The following HIF1A variants were observed in gnomAD, a reference collection of about 807,000 sequenced individuals.
The protein encoded by HIF1A is hypoxia-inducible factor 1-alpha.
Under a neutral mutation model 92.7 loss-of-function variants are expected in HIF1A, and 24 were observed. The ratio of observed to expected loss-of-function variants is 0.26; its 90% CI spans 0.19 to 0.36. The LOEUF (loss-of-function observed/expected upper bound fraction) is 0.36. Ranked by LOEUF, HIF1A falls within the 10% of genes least tolerant of loss-of-function variation. The pLI, the probability that HIF1A is intolerant of heterozygous loss-of-function variation, is 1.00. For synonymous variants in HIF1A, 319 were observed against 338.7 expected (o/e 0.94, Z 0.64); for missense variants, 799 against 998.5 (o/e 0.80, Z 2.69).
chr14:61,709,723 C>T (rs1040649426), intron 1 of HIF1A, among the ~76,000 whole-genome samples: 9 of 151,870 alleles, frequency 5.9e-5, no homozygotes, highest in Non-Finnish European at 1.3e-4. Flanking sequence ...TTTTGAATTT[C>T]AAATTAATTA....
At chr14:61,741,784 G>C (rs940768446) in intron 12 of HIF1A, among the ~76,000 whole-genome samples, 4 of 152,154 alleles carry the variant, frequency 2.6e-5, no homozygotes, top group African/African-American at 9.7e-5. Flanking sequence ...TACAGAACTT[G>C]TTTAAAGTTC....
intron 4 of HIF1A, among the ~76,000 whole-genome samples, chr14:61,724,349 T>TTCTCTCCCTCTCTCTCTCTCTC (rs2044472677): frequency 3.1e-5 from 3 of 96,096 alleles, no homozygotes; most frequent in Non-Finnish European, 6.3e-5. Flanking sequence ...CACACACACA[T>TTCTCTCCCTCTCTCTCTCTCTC]TCTCTCTCTC....
intron 4 of HIF1A, 97 bp from the exon 5 acceptor site, chr14:61,726,609 G>T (rs2140142194): frequency 1.5e-6 from 1 of 649,656 alleles, no homozygotes; most frequent in Admixed American, 3.1e-5. Flanking sequence ...AATTGAACGG[G>T]TATTCAGTTG....
chr14:61,741,301 C>T (rs917405715), intron 12 of HIF1A, 113 bp downstream of exon 12: 16 of 648,114 alleles, frequency 2.5e-5, no homozygotes, highest in South Asian at 1.0e-4. Context: ...TATGCCCTAA[C>T]GCAAATTCTT....
In HIF1A at chr14:61,747,108, T is replaced by G. The variant is rs2044803195; in HGVS notation, c.*23T>G. 2 of 1,590,628 alleles carry G rather than the reference T, an allele frequency of 1.3e-6. No individual in the cohort carries two copies. On this transcript the variant is annotated 3_prime_UTR_variant, in exon 15 of 15. Coordinates refer to ENST00000337138, the MANE Select transcript of HIF1A (RefSeq NM_001530.4). ...TGAGCTTTTTCTTAATTTCATTCCT[T>G]TTTTTGGACACTGGTGGCTCATTAC...
chr14:61,704,523 A>G (rs1289185041), intron 1 of HIF1A, among the ~76,000 whole-genome samples: 1 of 152,198 alleles, frequency 6.6e-6, no homozygotes, highest in Non-Finnish European at 1.5e-5. Context: ...TTGTGTCCAG[A>G]ATCTCATTAA....
At chr14:61,721,004 T>G (rs10137588) in intron 2 of HIF1A, among the ~76,000 whole-genome samples, 134,001 of 152,098 alleles carry the variant, frequency 0.88, 59,785 homozygotes, top group Non-Finnish European at 0.95. Flanking sequence ...AACTTTGGGA[T>G]GCTGAGGCGG....
chr14:61,723,664 A>C (rs2044461466), intron 4 of HIF1A, among the ~76,000 whole-genome samples: 1 of 152,198 alleles, frequency 6.6e-6, no homozygotes, highest in Non-Finnish European at 1.5e-5. Context: ...ATGAGTTCTA[A>C]TGTGCAGAGT....
intron 10 of HIF1A, 105 bp downstream of exon 10, chr14:61,738,478 TTG>T (rs2044666657): frequency 1.9e-6 from 2 of 1,058,210 alleles, no homozygotes; most frequent in Non-Finnish European, 2.8e-6. Context: ...CAAATTACAT[TTG>T]TGTGTGTGTT....
chr14:61,699,415 G>C (rs2044152849), intron 1 of HIF1A, among the ~76,000 whole-genome samples: 1 of 151,450 alleles, frequency 6.6e-6, no homozygotes, highest in Non-Finnish European at 1.5e-5. Context: ...TATGTCAAGA[G>C]TGGTGTATAG....
At chr14:61,728,631 G>C (rs2044537336) in intron 6 of HIF1A, among the ~76,000 whole-genome samples, 1 of 152,178 alleles carries the variant, frequency 6.6e-6, no homozygotes, top group African/African-American at 2.4e-5. Context: ...GCTACATACA[G>C]TTGGTGTCTA....
chr14:61,696,191 C>T (rs2140112505), intron 1 of HIF1A, among the ~76,000 whole-genome samples: 1 of 152,378 alleles, frequency 6.6e-6, no homozygotes, highest in South Asian at 2.1e-4. Context: ...TTTACCCAGC[C>T]TGAAAACCCC....
chr14:61,747,139 GC>G lies in HIF1A; in HGVS notation c.*55del. 6.8e-7 allele frequency: 1 copy of G among 1,460,312 alleles called. No homozygotes were observed. Among genetic ancestry groups the G allele is most frequent in the East Asian group, 2.3e-5 (1 of 43,648 alleles). The allele number at this position is 1,460,312 out of a possible 1,614,324, so 90.5% of individuals were successfully genotyped here. A position where few individuals can be genotyped will look rare whatever the true frequency, so the allele number is the denominator to read the frequency against. ...GGACACTGGTGGCTCATTACCTAAA[GC>G]AGTCTATTTATATTTTCTACATCTA... On this transcript the variant is annotated 3_prime_UTR_variant, in exon 15 of 15. Coordinates refer to ENST00000337138, the MANE Select transcript of HIF1A (RefSeq NM_001530.4).
At chr14:61,718,795 T>TC (rs1052545183) in intron 1 of HIF1A, among the ~76,000 whole-genome samples, 1 of 152,188 alleles carries the variant, frequency 6.6e-6, no homozygotes, top group South Asian at 2.1e-4. Flanking sequence ...TTCCTTTTTT[T>TC]CCTCCACCAT....
chr14:61,698,387 T>G (rs2044139648), intron 1 of HIF1A, among the ~76,000 whole-genome samples: 1 of 152,228 alleles, frequency 6.6e-6, no homozygotes, highest in Admixed American at 6.5e-5. Context: ...TGAATGCCTC[T>G]GAGCCTCTTT....
intron 1 of HIF1A, among the ~76,000 whole-genome samples, chr14:61,699,572 C>G (rs1244057009): frequency 6.6e-6 from 1 of 151,476 alleles, no homozygotes; most frequent in Non-Finnish European, 1.5e-5. Flanking sequence ...GATGCCTTCT[C>G]TTAGTATATA....
chr14:61,696,361 G>A (rs1234283842), intron 1 of HIF1A, among the ~76,000 whole-genome samples: 1 of 152,244 alleles, frequency 6.6e-6, no homozygotes, highest in African/African-American at 2.4e-5. Context: ...TTGAGTTCCC[G>A]ACTGAGGGAC....
chr14:61,728,859 G>C (rs1447009156), intron 6 of HIF1A, among the ~76,000 whole-genome samples: 1 of 152,024 alleles, frequency 6.6e-6, no homozygotes, highest in African/African-American at 2.4e-5. Context: ...TCATTCTGTT[G>C]TTGAAAATGC....
chr14:61,729,486 A>AAC lies in HIF1A; in HGVS notation c.773+1832_773+1833insCA, dbSNP rs1566571569. Among the ~76,000 whole-genome samples the AAC allele has an allele frequency of 6.8e-5, 10 of 147,904 alleles. 1 individual carries two copies. The highest frequency in any genetic ancestry group is 2.0e-4 in the East Asian group (1 of 4,962). On this transcript the variant is annotated intron_variant, in intron 6 of 14. Coordinates refer to ENST00000337138, the MANE Select transcript of HIF1A (RefSeq NM_001530.4). ...CAAAAAACAAAAACAAAACAAAAAA[A>AAC]AGACCTCAGAAGGATGTTGTCAGGA...
Sources: gnomAD v4.1 joint callset for allele counts (sites outside exome capture counted in the v4.1 genomes callset) on GRCh38, gnomAD v4.1.1 for gene constraint, MANE v1.5 for transcripts, NCBI Gene and HGNC (gene_info 2026-07-23, HGNC 2026-07-21) for gene names.